MANSC1: variants seen among roughly 807,000 people sequenced by gnomAD.
The protein encoded by MANSC1 is MANSC domain containing 1.
In MANSC1, 13 loss-of-function variants were observed where a neutral mutation model predicts 14.1. The ratio of observed to expected loss-of-function variants is 0.92; its 90% confidence interval spans 0.60 to 1.46. MANSC1 has a LOEUF of 1.46. Ranked by LOEUF, MANSC1 falls within the 40% of genes most tolerant of loss-of-function variation. The pLI is 0.00. For missense variants in MANSC1, 486 were observed against 511.4 expected (o/e 0.95, Z 0.48); for synonymous variants, 227 against 200.7 (o/e 1.13, Z -1.11).
intron 1 of MANSC1, among the ~76,000 whole-genome samples, chr12:12,346,948 G>A (rs1863016580): frequency 6.7e-6 from 1 of 150,370 alleles, no homozygotes; most frequent in Non-Finnish European, 1.5e-5. Context: ...CACAGACTTG[G>A]AGGAAATATT....
intron 2 of MANSC1, 119 bp from the exon 3 acceptor site, chr12:12,338,679 A>G (rs1338944950): frequency 1.1e-6 from 1 of 902,662 alleles, no homozygotes; most frequent in African/African-American, 1.7e-5. Context: ...CATTTTGTTC[A>G]CTTGCTTGCT....
intron 1 of MANSC1, among the ~76,000 whole-genome samples, chr12:12,347,410 T>C (rs1398561512): frequency 6.6e-6 from 1 of 152,180 alleles, no homozygotes; most frequent in African/African-American, 2.4e-5. Flanking sequence ...TAATGCATAA[T>C]GTAAATACAG....
intron 3 of MANSC1, among the ~76,000 whole-genome samples, chr12:12,331,245 C>A (rs1862786158): frequency 6.6e-6 from 1 of 152,140 alleles, no homozygotes; most frequent in Non-Finnish European, 1.5e-5. Context: ...TGGAAAAACA[C>A]AAATTGCTAA....
In MANSC1 at chr12:12,326,765, A is replaced by T. The variant is rs1265102990; in HGVS notation, c.*3262T>A. On this transcript the variant is annotated 3_prime_UTR_variant, in exon 4 of 4. Transcript: ENST00000535902. ...GTCTCCCAAAGGGCTGAGATTACAG[A>T]TGTGAGCCACTATGTGCCTGGCTAA... 1 of 149,758 alleles carries T rather than the reference A, an allele frequency of 6.7e-6. No individual in the cohort carries two copies. Among genetic ancestry groups the T allele is most frequent in the Admixed American group, 6.7e-5 (1 of 15,028 alleles). 9.3% of individuals were successfully genotyped at this position (149,758 alleles called of 1,614,324 possible).
At position 12,328,452 on chromosome 12, in the gene MANSC1, T is replaced by A. The variant is rs1047760704; in HGVS notation, c.*1575A>T. ...TTTGTATTTTTAGTAGAGGCGGGGT[T>A]TCACCGTGTTAGCCAGGATGGTCTC... On this transcript the variant is annotated 3_prime_UTR_variant, in exon 4 of 4. Transcript: ENST00000535902. 6.7e-6 allele frequency: 1 copy of A among 150,008 alleles called. No homozygotes were observed. The highest frequency in any genetic ancestry group is 6.7e-5 in the Admixed American group (1 of 14,892). The allele number at this position is 150,008 out of a possible 1,614,324, so 9.3% of individuals were successfully genotyped here. A position where few individuals can be genotyped will look rare whatever the true frequency, so the allele number is the denominator to read the frequency against.
At chr12:12,348,400 A>C (rs1391525981) in intron 1 of MANSC1, among the ~76,000 whole-genome samples, 1 of 152,246 alleles carries the variant, frequency 6.6e-6, no homozygotes, top group Admixed American at 6.5e-5. Flanking sequence ...TCAAGCCACA[A>C]AAAGACATGG....
At chr12:12,342,576 G>C (rs930974104) in intron 2 of MANSC1, among the ~76,000 whole-genome samples, 1 of 103,982 alleles carries the variant, frequency 9.6e-6, no homozygotes, top group African/African-American at 3.6e-5. Flanking sequence ...AGTAGTCAGT[G>C]TTTTTTTGTT....
At position 12,330,965 on chromosome 12, in the gene MANSC1, A is replaced by C. The variant is rs1018464180; in HGVS notation, c.365-7T>G. On this transcript the variant is annotated splice_region_variant and splice_polypyrimidine_tract_variant and intron_variant, in intron 3 of 3. Transcript: ENST00000535902. Reference sequence around the variant, plus strand: ...CTGGTCAAAGATGGAAAATCTGAAAATGTATGGAAAATAAAAGGAAGGCTT... The same window carrying C: ...CTGGTCAAAGATGGAAAATCTGAAACTGTATGGAAAATAAAAGGAAGGCTT... 4 of 1,538,666 alleles carry C rather than the reference A, an allele frequency of 2.6e-6. No individual in the cohort carries two copies. The highest frequency in any genetic ancestry group is 3.5e-6 in the Non-Finnish European group (4 of 1,135,044).
intron 2 of MANSC1, among the ~76,000 whole-genome samples, chr12:12,342,064 C>T (rs187499236): frequency 2.0e-5 from 3 of 152,356 alleles, no homozygotes; most frequent in Admixed American, 6.5e-5. Flanking sequence ...CCACCTCAGC[C>T]TCCCAATAGC....
chr12:12,331,979 G>C (rs376834782), intron 3 of MANSC1, among the ~76,000 whole-genome samples: 1 of 152,126 alleles, frequency 6.6e-6, no homozygotes. Flanking sequence ...AAACCATACA[G>C]TCCCGATGCC....
intron 2 of MANSC1, chr12:12,338,877 C>CCACACACAAACACACACACA (rs1565800133): frequency 3.8e-6 from 1 of 264,026 alleles, no homozygotes; most frequent in Non-Finnish European, 6.9e-6. Flanking sequence ...GCATCCACAA[C>CCACACACAAACACACACACA]CACACACACA....
rs752542937 is a variant in MANSC1 at position 12,330,624 on chromosome 12, A to G, written c.699T>C (p.Ala233=). Reference sequence around the variant, plus strand: ...GAGTAGCCGAGGTGGTATGTGGAGAAGCAACTGCCACCGTAGCTGGGAGCG... The same window carrying G: ...GAGTAGCCGAGGTGGTATGTGGAGAGGCAACTGCCACCGTAGCTGGGAGCG... ...VSALPATVAV[A]SPHTTSATPK... Residue 233 remains alanine, a synonymous_variant, in exon 4 of 4, where the codon GCT becomes GCC. Coordinates refer to ENST00000535902, the MANE Select transcript of MANSC1 (RefSeq NM_018050.4). The G allele has an allele frequency of 6.2e-7, 1 of 1,614,162 alleles. No homozygotes were observed. The highest frequency in any genetic ancestry group is 1.1e-5 in the South Asian group (1 of 91,082).
chr12:12,335,854 A>T (rs531717817), intron 3 of MANSC1, among the ~76,000 whole-genome samples: 61 of 148,082 alleles, frequency 4.1e-4, no homozygotes, highest in East Asian at 1.3e-3. Flanking sequence ...AAAAAAAAAT[A>T]AAAATAAAAC....
Position 12,330,967 on chromosome 12 carries a change from G to A in MANSC1, c.365-9C>T. 6.5e-7 allele frequency: 1 copy of A among 1,533,442 alleles called. No homozygotes were observed. Among genetic ancestry groups the A allele is most frequent in the Non-Finnish European group, 8.8e-7 (1 of 1,130,660 alleles). 95.0% of individuals were successfully genotyped at this position (1,533,442 alleles called of 1,614,324 possible). On this transcript the variant is annotated splice_polypyrimidine_tract_variant and intron_variant, in intron 3 of 3. Transcript: ENST00000535902. ...GGTCAAAGATGGAAAATCTGAAAAT[G>A]TATGGAAAATAAAAGGAAGGCTTAT... is the stretch of plus-strand genomic sequence containing the variant.
At position 12,327,471 on chromosome 12, in the gene MANSC1, T is replaced by C. The variant is rs1862722707; in HGVS notation, c.*2556A>G. ...GTTTGGGCCCGTAGCATCACTCATC[T>C]GGACCGCTCCCATGTGGTCTCCCCA... On this transcript the variant is annotated 3_prime_UTR_variant, in exon 4 of 4. Coordinates refer to ENST00000535902, the MANE Select transcript of MANSC1 (RefSeq NM_018050.4). The C allele has an allele frequency of 6.6e-6, 1 of 152,266 alleles. No individual in the cohort carries two copies. The highest frequency in any genetic ancestry group is 2.4e-5 in the African/African-American group (1 of 41,468). The allele number at this position is 152,266 out of a possible 1,614,324, so 9.4% of individuals were successfully genotyped here.
At chr12:12,342,539 T>A (rs1322426429) in intron 2 of MANSC1, among the ~76,000 whole-genome samples, 1 of 145,448 alleles carries the variant, frequency 6.9e-6, no homozygotes, top group Non-Finnish European at 1.5e-5. Flanking sequence ...CCCCATCCCA[T>A]TAGAGTTCTA....
chr12:12,335,986 C>T (rs1291619650), intron 3 of MANSC1, among the ~76,000 whole-genome samples: 1 of 152,116 alleles, frequency 6.6e-6, no homozygotes, highest in Non-Finnish European at 1.5e-5. Flanking sequence ...AGTTCGAGAC[C>T]AGCCTGGCCA....
At position 12,343,290 on chromosome 12, in the gene MANSC1, A is replaced by C; in HGVS notation, c.25T>G (p.Leu9Val). The C allele has an allele frequency of 6.2e-7, 1 of 1,613,942 alleles. No individual in the cohort carries two copies. The highest frequency in any genetic ancestry group is 1.3e-5 in the African/African-American group (1 of 75,034). The change falls in exon 2 of 4, where the codon TTG becomes GTG. Residue 9 changes from leucine (L) to valine (V), a missense_variant. By Grantham distance (32) the Leu-to-Val change is conservative. Transcript: ENST00000535902. Reference protein sequence around the residue: MFFGGEGSLTYTLVIICFL... With the variant: MFFGGEGSVTYTLVIICFL... ...CAAATTATTACCAAAGTGTAAGTCA[A>C]GCTCCCTTCTCCCCCGAAGAACATT...
chr12:12,330,153 C>G lies in MANSC1; in HGVS notation c.1170G>C (p.Leu390=). 6.2e-7 allele frequency: 1 copy of G among 1,614,176 alleles called. No homozygotes were observed. The part of the protein sequence containing the change: ...PFEKWLLIGS[L]LFGVLFLVIG... ...TCACCAGGAACAGGACACCAAAGAGCAGGGACCCGATAAGAAGCCATTTTT... is the reference window on the plus strand; with the variant it reads ...TCACCAGGAACAGGACACCAAAGAGGAGGGACCCGATAAGAAGCCATTTTT... Residue 390 remains leucine (L), a synonymous_variant, in exon 4 of 4, where the codon CTG becomes CTC. Transcript: ENST00000535902.
Sources: allele counts gnomAD v4.1 joint callset (sites outside exome capture counted in the v4.1 genomes callset), GRCh38; gene constraint gnomAD v4.1.1; transcripts MANE v1.5; gene names NCBI Gene and HGNC (gene_info 2026-07-23, HGNC 2026-07-21).